Variants in IL16 observed in about 807,000 individuals in gnomAD.
IL16 encodes interleukin 16, also known as pro-interleukin-16.
IL16 carries 67 observed loss-of-function variants against 110.1 expected under a neutral mutation model. That is an observed-to-expected ratio of 0.61 (90% CI 0.50 to 0.75). The LOEUF is 0.75. IL16 is among the 30% of genes least tolerant of loss of function. IL16 has a pLI of 0.00. For missense variants in IL16, 1,545 were observed against 1,655.0 expected (o/e 0.93, Z 1.15); for synonymous variants, 689 against 662.9 (o/e 1.04, Z -0.61).
At chr15:81,295,210 C>A in intron 12 of IL16, 1 of 197,150 alleles carries the variant, frequency 5.1e-6, no homozygotes, top group Non-Finnish European at 9.8e-6. Flanking sequence ...ACTTTCTCCC[C>A]ACTATGCTGA....
intron 1 of IL16, among the ~76,000 whole-genome samples, chr15:81,183,304 G>C (rs571103731): frequency 6.6e-6 from 1 of 152,334 alleles, no homozygotes; most frequent in South Asian, 2.1e-4. Context: ...TTCCGCTCCA[G>C]TTTCAGCAGA....
intron 3 of IL16, 101 bp from the exon 4 acceptor site, chr15:81,265,556 TCA>T: frequency 7.5e-7 from 1 of 1,324,996 alleles, no homozygotes; most frequent in Non-Finnish European, 1.0e-6. Context: ...TGGTTTACAG[TCA>T]CACTGGCCCC....
chr15:81,293,175 A>T (rs970967268), intron 12 of IL16, 138 bp downstream of exon 12: 19 of 949,704 alleles, frequency 2.0e-5, no homozygotes, highest in Middle Eastern at 3.4e-4. Context: ...GTTGCCTAGG[A>T]CTCAGCTGAG....
chr15:81,291,417 C>T (rs1205761789), intron 11 of IL16, among the ~76,000 whole-genome samples: 1 of 151,704 alleles, frequency 6.6e-6, no homozygotes, highest in African/African-American at 2.4e-5. Context: ...GCTGAGTTTT[C>T]TCTAAGGAGG....
At chr15:81,226,732 A>G (rs1370252830) in intron 2 of IL16, among the ~76,000 whole-genome samples, 2 of 152,168 alleles carry the variant, frequency 1.3e-5, no homozygotes, top group African/African-American at 4.8e-5. Flanking sequence ...GACTTCTATT[A>G]ATATGTCCTG....
chr15:81,263,110 A>C (rs1249715138), intron 3 of IL16, among the ~76,000 whole-genome samples: 5 of 152,150 alleles, frequency 3.3e-5, no homozygotes, highest in Non-Finnish European at 7.3e-5. Flanking sequence ...GATTTCCTTA[A>C]GTTTTAATTA....
At chr15:81,199,222 G>T (rs1895721997) in intron 1 of IL16, among the ~76,000 whole-genome samples, 1 of 152,120 alleles carries the variant, frequency 6.6e-6, no homozygotes, top group Non-Finnish European at 1.5e-5. Context: ...CAAGAACTTG[G>T]AGTTGTGGTT....
Position 81,312,635 on chromosome 15 carries a change from CAAAT to C in IL16, c.*3838_*3841del, listed in dbSNP as rs1010580103. 6.6e-6 allele frequency: 1 copy of C among 152,216 alleles called. No individual in the cohort carries two copies. The highest frequency in any genetic ancestry group is 1.5e-5 in the Non-Finnish European group (1 of 68,028). 9.4% of individuals were successfully genotyped at this position (152,216 alleles called of 1,614,324 possible). A position where few individuals can be genotyped will look rare whatever the true frequency, so the allele number is the denominator to read the frequency against. ...CCTTGCGGGGATAAAGAGAGAAAAA[CAAAT>C]TCATCAAATGGAAGACACATTGAAA... On this transcript the variant is annotated 3_prime_UTR_variant, in exon 19 of 19. Coordinates refer to ENST00000683961, the MANE Select transcript of IL16 (RefSeq NM_172217.5).
intron 8 of IL16, 37 bp downstream of exon 8, chr15:81,279,811 C>T: frequency 6.4e-7 from 1 of 1,566,998 alleles, no homozygotes; most frequent in South Asian, 1.1e-5. Flanking sequence ...GCCTGGGTCT[C>T]CCAGCACTGG....
At chr15:81,189,660 G>GA (rs1895469372) in intron 1 of IL16, among the ~76,000 whole-genome samples, 2 of 152,142 alleles carry the variant, frequency 1.3e-5, no homozygotes, top group Non-Finnish European at 2.9e-5. Context: ...GCCAAGCCTT[G>GA]AAAAACATAC....
upstream of IL16, among the ~76,000 whole-genome samples, chr15:81,195,680 G>A (rs549551516): frequency 6.6e-6 from 1 of 152,252 alleles, no homozygotes; most frequent in South Asian, 2.1e-4. Context: ...CCTCATTAAA[G>A]CCCCCAGGAA....
chr15:81,291,813 G>A (rs972437420), intron 11 of IL16: 4 of 426,824 alleles, frequency 9.4e-6, no homozygotes, highest in African/African-American at 8.1e-5. Context: ...GAAAGAAATA[G>A]TGACTTCTTC....
At chr15:81,263,890 C>T (rs990385844) in intron 3 of IL16, among the ~76,000 whole-genome samples, 2 of 152,094 alleles carry the variant, frequency 1.3e-5, no homozygotes, top group Non-Finnish European at 2.9e-5. Context: ...TTCACTGATC[C>T]GGAACCCTCT....
At position 81,303,747 on chromosome 15, in the gene IL16, G is replaced by A. The variant is rs1016037102; in HGVS notation, c.3420+97G>A. The A allele has an allele frequency of 1.2e-6, 1 of 812,954 alleles. No homozygotes were observed. Among genetic ancestry groups the A allele is most frequent in the Non-Finnish European group, 2.1e-6 (1 of 472,080 alleles). 50.4% of individuals were successfully genotyped at this position (812,954 alleles called of 1,614,324 possible). Reference sequence around the variant, plus strand: ...GGAAGGGGCCCTGTGCTGGGGAAATGAAGAATGCATGACACTAGGCCACTG... The same window carrying A: ...GGAAGGGGCCCTGTGCTGGGGAAATAAAGAATGCATGACACTAGGCCACTG... On this transcript the variant is annotated intron_variant, in intron 16 of 18. Coordinates refer to ENST00000683961, the MANE Select transcript of IL16 (RefSeq NM_172217.5). The surrounding 1 kb of genome is among the most constrained non-coding windows in gnomAD (Gnocchi z 4.1).
chr15:81,230,387 CCCTCT>C (rs777666350), intron 2 of IL16, among the ~76,000 whole-genome samples: 2 of 152,198 alleles, frequency 1.3e-5, no homozygotes, highest in Non-Finnish European at 2.9e-5. Context: ...GTCAAACTCT[CCCTCT>C]CCTCTTTCCT....
chr15:81,295,606 C>A, intron 12 of IL16: 4 of 817,662 alleles, frequency 4.9e-6, no homozygotes, highest in Non-Finnish European at 7.0e-6. Flanking sequence ...GCTTCTAATG[C>A]CATGACTCAG....
intron 5 of IL16, 125 bp from the exon 6 acceptor site, chr15:81,272,965 C>G (rs1463820891): frequency 1.5e-6 from 1 of 649,182 alleles, no homozygotes; most frequent in East Asian, 3.1e-5. Context: ...ACCTCTGAGA[C>G]CAAAGGCACC....
rs1897803418 is a variant in IL16 at position 81,252,586 on chromosome 15, C to T, written c.313-7186C>T. On this transcript the variant is annotated intron_variant, in intron 2 of 18. Transcript: ENST00000683961. ...ACCACACCACTGTCTAGTTTTAGAA[C>T]ATTTTTGTCCCCCGAAAAAGAAACC... Among the ~76,000 whole-genome samples the T allele has an allele frequency of 2.0e-5, 3 of 152,042 alleles. No homozygotes were observed. The South Asian group carries it at 6.2e-4, about 32-fold the overall frequency.
In IL16 at chr15:81,300,492, G is replaced by T. The variant is rs190518361; in HGVS notation, c.3149+17G>T. 9.8e-5 allele frequency: 151 copies of T among 1,535,210 alleles called. No individual in the cohort carries two copies. Among genetic ancestry groups the T allele is most frequent in the Non-Finnish European group, 1.3e-4 (146 of 1,115,654 alleles). Reference sequence around the variant, plus strand: ...CTCGCTCAAGTGAGTTTCTACACCCGGTGTTTCTCTTTACCTTTCTCATCT... The same window carrying T: ...CTCGCTCAAGTGAGTTTCTACACCCTGTGTTTCTCTTTACCTTTCTCATCT... On this transcript the variant is annotated intron_variant, in intron 14 of 18. Coordinates refer to ENST00000683961, the MANE Select transcript of IL16 (RefSeq NM_172217.5).
Sources: gnomAD v4.1 joint callset for allele counts (sites outside exome capture counted in the v4.1 genomes callset) on GRCh38, gnomAD v4.1.1 for gene constraint, Gnocchi (gnomAD v3.1) non-coding constraint, MANE v1.5 for transcripts, NCBI Gene and HGNC (gene_info 2026-07-23, HGNC 2026-07-21) for gene names.